The following SPHKAP variants were observed in gnomAD, a reference collection of about 807,000 sequenced individuals.
SPHKAP encodes SPHK1 interactor, AKAP domain containing.
Under a neutral mutation model 137.5 loss-of-function variants are expected in SPHKAP, and 67 were observed. That is an observed-to-expected ratio of 0.49 (90% CI 0.40 to 0.60). SPHKAP has a LOEUF of 0.60. SPHKAP is among the 20% of genes least tolerant of loss of function. The pLI, the probability that SPHKAP is intolerant of heterozygous loss-of-function variation, is 0.00. For missense variants in SPHKAP, 2,097 were observed against 2,069.3 expected, an observed-to-expected ratio of 1.01 and a Z score of -0.26; for synonymous variants, 813 against 785.3, an observed-to-expected ratio of 1.04 and a Z score of -0.59.
intron 7 of SPHKAP, among the ~76,000 whole-genome samples, chr2:228,014,038 AT>A (rs1471010890): frequency 6.6e-6 from 1 of 152,156 alleles, no homozygotes; most frequent in Non-Finnish European, 1.5e-5. Context: ...TTTCCAGTAT[AT>A]TTTGGAAAAA....
chr2:228,153,075 C>T (rs1327066938), intron 1 of SPHKAP, among the ~76,000 whole-genome samples: 1 of 152,108 alleles, frequency 6.6e-6, no homozygotes. Flanking sequence ...TAAGATGTGC[C>T]TTTCCTCTTC....
intron 3 of SPHKAP, among the ~76,000 whole-genome samples, chr2:228,048,501 T>C (rs1244015739): frequency 6.6e-6 from 1 of 152,192 alleles, no homozygotes; most frequent in Non-Finnish European, 1.5e-5. Context: ...TTTGCTGAAG[T>C]ACAGTCATAC....
chr2:228,023,095 C>A (rs1694901672), intron 5 of SPHKAP, among the ~76,000 whole-genome samples: 2 of 152,310 alleles, frequency 1.3e-5, no homozygotes, highest in South Asian at 4.1e-4. Context: ...CAAACCATAT[C>A]CTCATTCTCC....
intron 2 of SPHKAP, among the ~76,000 whole-genome samples, chr2:228,129,587 A>T (rs72967012): frequency 1.1e-4 from 16 of 151,844 alleles, no homozygotes; most frequent in East Asian, 1.9e-4. Context: ...TCTGTAAAAA[A>T]GACAATTCAA....
At chr2:227,992,257 TC>T (rs2106163088) in intron 9 of SPHKAP, among the ~76,000 whole-genome samples, 1 of 152,334 alleles carries the variant, frequency 6.6e-6, no homozygotes, top group South Asian at 2.1e-4. Context: ...TCCATTGTGT[TC>T]CTGATGTTGA....
chr2:228,180,573 C>G (rs1249450150), intron 1 of SPHKAP, among the ~76,000 whole-genome samples: 1 of 152,160 alleles, frequency 6.6e-6, no homozygotes, highest in African/African-American at 2.4e-5. Flanking sequence ...AGGGATGGCA[C>G]GAAGAGCCAC....
intron 3 of SPHKAP, among the ~76,000 whole-genome samples, chr2:228,054,768 C>T (rs1696377702): frequency 6.6e-6 from 1 of 152,032 alleles, no homozygotes; most frequent in Non-Finnish European, 1.5e-5. Flanking sequence ...AAATGTCTTG[C>T]CCAAGACTCA....
intron 1 of SPHKAP, among the ~76,000 whole-genome samples, chr2:228,151,258 T>C (rs1386621000): frequency 5.3e-5 from 8 of 151,970 alleles, no homozygotes; most frequent in Non-Finnish European, 1.2e-4. Flanking sequence ...ACAAAGGACA[T>C]GAACTCATCA....
Position 228,135,274 on chromosome 2 carries a change from CAAAA to C in SPHKAP, c.33-3193_33-3190del, listed in dbSNP as rs11435994. 4.1e-4 allele frequency among the ~76,000 whole-genome samples: 39 copies of C among 95,414 alleles called. No homozygotes were observed. In the South Asian group the frequency reaches 0.014, roughly 35 times the overall value. 62.6% of individuals were successfully genotyped at this position (95,414 alleles called of 152,430 possible). A position where few individuals can be genotyped will look rare whatever the true frequency, so the allele number is the denominator to read the frequency against. On this transcript the variant is annotated intron_variant, in intron 1 of 11. Coordinates refer to ENST00000392056, the MANE Select transcript of SPHKAP (RefSeq NM_001142644.2). ...GGGCAACAAGAGTGAAACTCTGTCTCAAAAAAAAAAAAAAAAAAAGCAAAAAAGC... is the reference window on the plus strand; with the variant it reads ...GGGCAACAAGAGTGAAACTCTGTCTCAAAAAAAAAAAAAAAGCAAAAAAGC...
At chr2:228,090,058 T>C (rs1455481571) in intron 3 of SPHKAP, among the ~76,000 whole-genome samples, 1 of 152,148 alleles carries the variant, frequency 6.6e-6, no homozygotes, top group African/African-American at 2.4e-5. Flanking sequence ...TCCTCCAGAC[T>C]CAAGAATGGT....
chr2:228,027,409 G>T, intron 4 of SPHKAP, 75 bp downstream of exon 4: 1 of 1,444,248 alleles, frequency 6.9e-7, no homozygotes, highest in Admixed American at 1.8e-5. Flanking sequence ...TACAAAATGA[G>T]CATTATTTAC....
intron 5 of SPHKAP, among the ~76,000 whole-genome samples, chr2:228,022,494 T>G (rs1042024154): frequency 6.6e-6 from 1 of 152,136 alleles, no homozygotes; most frequent in African/African-American, 2.4e-5. Flanking sequence ...TGAAGTTAGG[T>G]TCTCATGCTC....
intron 1 of SPHKAP, among the ~76,000 whole-genome samples, chr2:228,175,939 G>A (rs1233464592): frequency 1.3e-5 from 2 of 152,152 alleles, no homozygotes; most frequent in Non-Finnish European, 2.9e-5. Flanking sequence ...AATCTATCAT[G>A]AAACCATCAT....
intron 9 of SPHKAP, among the ~76,000 whole-genome samples, chr2:227,992,092 C>T (rs72973316): frequency 0.069 from 10,558 of 152,090 alleles, 511 homozygotes; most frequent in Middle Eastern, 0.2. Context: ...GAACATATGG[C>T]CAGCAGCTGA....
intron 2 of SPHKAP, among the ~76,000 whole-genome samples, chr2:228,125,398 A>T (rs1699043211): frequency 6.6e-6 from 1 of 152,214 alleles, no homozygotes; most frequent in Non-Finnish European, 1.5e-5. Context: ...CCCTTGTCTA[A>T]AAGATTATTT....
At position 228,173,144 on chromosome 2, in the gene SPHKAP, G is replaced by A. The variant is rs1044980265; in HGVS notation, c.32+8423C>T. 1.2e-4 allele frequency: 91 copies of A among 756,050 alleles called. No homozygotes were observed. The African/African-American group carries it at 1.7e-3, about 14-fold the overall frequency. 46.8% of individuals were successfully genotyped at this position (756,050 alleles called of 1,614,324 possible). On this transcript the variant is annotated intron_variant, in intron 1 of 11. Transcript: ENST00000392056. The stretch of plus-strand genomic sequence containing the variant: ...GAATGACTCACGTATGGCAGAGGAG[G>A]AACAAATAGCCTTGTCCCTCTTCCT...
chr2:227,988,958 G>A (rs1693312596), intron 11 of SPHKAP, among the ~76,000 whole-genome samples: 1 of 152,154 alleles, frequency 6.6e-6, no homozygotes, highest in Non-Finnish European at 1.5e-5. Flanking sequence ...TAGGCATGAA[G>A]GGAAGTGTTA....
At chr2:228,169,307 G>A (rs1158578154) in intron 1 of SPHKAP, among the ~76,000 whole-genome samples, 1 of 152,156 alleles carries the variant, frequency 6.6e-6, no homozygotes, top group Non-Finnish European at 1.5e-5. Flanking sequence ...TTCATAGCTA[G>A]AGAGGAGAAG....
At chr2:228,140,397 G>T (rs769741556) in intron 1 of SPHKAP, among the ~76,000 whole-genome samples, 1 of 151,914 alleles carries the variant, frequency 6.6e-6, no homozygotes, top group African/African-American at 2.4e-5. Flanking sequence ...TCATATTCCC[G>T]TGTTCTTCCA....
Sources: gnomAD v4.1 joint callset for allele counts (sites outside exome capture counted in the v4.1 genomes callset) on GRCh38, gnomAD v4.1.1 for gene constraint, MANE v1.5 for transcripts, NCBI Gene and HGNC (gene_info 2026-07-23, HGNC 2026-07-21) for gene names.